The following MAGOHB variants were observed in gnomAD, a reference collection of about 807,000 sequenced individuals.
MAGOHB encodes the protein mago homolog B, exon junction complex subunit.
In MAGOHB, 15 loss-of-function variants were observed where a neutral mutation model predicts 20.9. The observed-to-expected ratio is 0.72, with a 90% CI of 0.48 to 1.11. The LOEUF is 1.11. Among genes scored for constraint, MAGOHB ranks in the 50% least tolerant of loss-of-function variants. The pLI, the probability that MAGOHB is intolerant of heterozygous loss-of-function variation, is 0.00. For missense variants in MAGOHB, 162 were observed against 177.6 expected (o/e 0.91, Z 0.50); for synonymous variants, 50 against 57.9 (o/e 0.86, Z 0.62).
chr12:10,612,236 AT>A, intron 1 of MAGOHB, among the ~76,000 whole-genome samples: 1 of 149,178 alleles, frequency 6.7e-6, no homozygotes, highest in Non-Finnish European at 1.5e-5. Flanking sequence ...ATAACATAAC[AT>A]AACATAACAT....
downstream of MAGOHB, among the ~76,000 whole-genome samples, chr12:10,600,078 A>G (rs1277554592): frequency 6.6e-6 from 1 of 152,020 alleles, no homozygotes; most frequent in Non-Finnish European, 1.5e-5. Flanking sequence ...CTATCTGTTT[A>G]TTTCAAGTAA....
intron 1 of MAGOHB, 39 bp downstream of exon 1, chr12:10,613,400 C>A: frequency 6.3e-7 from 1 of 1,581,488 alleles, no homozygotes. Flanking sequence ...CGGTCTCGCT[C>A]CCCTTTCCCA....
At position 10,609,819 on chromosome 12, in the gene MAGOHB, C is replaced by G; in HGVS notation, c.264+12G>C. 1 of 1,521,124 alleles carries G rather than the reference C, an allele frequency of 6.6e-7. No individual in the cohort carries two copies. The highest frequency in any genetic ancestry group is 9.1e-7 in the Non-Finnish European group (1 of 1,098,100). 94.2% of individuals were successfully genotyped at this position (1,521,124 alleles called of 1,614,324 possible). On this transcript the variant is annotated intron_variant, in intron 3 of 4. Coordinates refer to ENST00000320756, the MANE Select transcript of MAGOHB (RefSeq NM_018048.5). ...TAATATTTATACACTTAAAGAATCA[C>G]TAAATACAAACCTGTCGGCCAACCC...
rs1187192853 is a variant in MAGOHB at position 10,610,575 on chromosome 12, T to C, written c.153+47A>G. 100 of 1,204,820 alleles carry C rather than the reference T, an allele frequency of 8.3e-5. 2 individuals are homozygous for C. Among genetic ancestry groups the C allele is most frequent in the Middle Eastern group, 2.9e-4 (1 of 3,504 alleles). 74.6% of individuals were successfully genotyped at this position (1,204,820 alleles called of 1,614,324 possible). ...ACAGACTTGAAGAAAATGGGCTAAATGCAAAAAAAAAAAAAAAAAAAAAAA... is the reference window on the plus strand; with the variant it reads ...ACAGACTTGAAGAAAATGGGCTAAACGCAAAAAAAAAAAAAAAAAAAAAAA... On this transcript the variant is annotated intron_variant, in intron 2 of 4. Transcript: ENST00000320756.
intron 1 of MAGOHB, among the ~76,000 whole-genome samples, chr12:10,611,976 T>C (rs1865751822): frequency 6.6e-6 from 1 of 151,998 alleles, no homozygotes; most frequent in Non-Finnish European, 1.5e-5. Context: ...AAAATAATAC[T>C]ACATAAAGAA....
At chr12:10,603,906 T>C (rs1865580523), downstream of MAGOHB, among the ~76,000 whole-genome samples, 1 of 152,242 alleles carries the variant, frequency 6.6e-6, no homozygotes, top group Non-Finnish European at 1.5e-5. Flanking sequence ...GGTTCACACA[T>C]TTCAAATCAA....
At chr12:10,603,231 A>G (rs1020733332), downstream of MAGOHB, among the ~76,000 whole-genome samples, 10 of 150,376 alleles carry the variant, frequency 6.7e-5, no homozygotes, top group Non-Finnish European at 8.9e-5. Context: ...GGGAAATGGC[A>G]TGAACCCCGG....
Position 10,605,787 on chromosome 12 carries a change from T to TAA in MAGOHB, c.*486_*487dup, listed in dbSNP as rs34751290. On this transcript the variant is annotated 3_prime_UTR_variant, in exon 5 of 5. Coordinates refer to ENST00000320756, the MANE Select transcript of MAGOHB (RefSeq NM_018048.5). ...ATCCCTGAGGGGTTTGTCATAACTG[T>TAA]AAAAAAAAACTAGACCTTGTATAAG... 315 of 150,948 alleles carry TAA rather than the reference T, an allele frequency of 2.1e-3. 1 individual carries two copies. The highest frequency in any genetic ancestry group is 6.6e-3 in the African/African-American group (273 of 41,144). 9.4% of individuals were successfully genotyped at this position (150,948 alleles called of 1,614,324 possible). A position where few individuals can be genotyped will look rare whatever the true frequency, so the allele number is the denominator to read the frequency against.
intron 4 of MAGOHB, among the ~76,000 whole-genome samples, chr12:10,606,832 G>C (rs1865638274): frequency 6.6e-6 from 1 of 151,058 alleles, no homozygotes; most frequent in Non-Finnish European, 1.5e-5. Context: ...TTAGACACTG[G>C]GGTTAATTTC....
chr12:10,612,690 A>G (rs1865769223), intron 1 of MAGOHB: 3 of 1,155,848 alleles, frequency 2.6e-6, no homozygotes, highest in Non-Finnish European at 3.3e-6. Flanking sequence ...GCATTCAAAA[A>G]AACCCAAAAA....
downstream of MAGOHB, among the ~76,000 whole-genome samples, chr12:10,601,501 A>G (rs934492055): frequency 1.3e-5 from 2 of 152,180 alleles, no homozygotes; most frequent in African/African-American, 4.8e-5. Flanking sequence ...CTGGCTTGAA[A>G]TGCTAGCCCC....
At chr12:10,602,560 A>T (rs1865563288), downstream of MAGOHB, among the ~76,000 whole-genome samples, 2 of 152,214 alleles carry the variant, frequency 1.3e-5, no homozygotes, top group South Asian at 4.1e-4. Context: ...GAAGTATTAA[A>T]CTTTATCACA....
chr12:10,607,077 T>C (rs2120510718), intron 4 of MAGOHB, among the ~76,000 whole-genome samples: 1 of 152,284 alleles, frequency 6.6e-6, no homozygotes, highest in East Asian at 1.9e-4. Context: ...AAAAGAAATT[T>C]GATAGTTTAA....
intron 3 of MAGOHB, chr12:10,609,416 A>G (rs980826412): frequency 2.3e-6 from 1 of 439,706 alleles, no homozygotes; most frequent in South Asian, 1.6e-5. Flanking sequence ...TGCAATCATC[A>G]GTTTTAACAA....
downstream of MAGOHB, among the ~76,000 whole-genome samples, chr12:10,601,325 T>C (rs1296641931): frequency 1.3e-5 from 2 of 152,172 alleles, no homozygotes; most frequent in East Asian, 1.9e-4. Flanking sequence ...GAAACTAAAG[T>C]GAAGAAGTTC....
intron 3 of MAGOHB, chr12:10,609,109 T>C (rs1349159474): frequency 1.8e-5 from 3 of 166,344 alleles, no homozygotes; most frequent in African/African-American, 4.8e-5. Flanking sequence ...TTTGCTTTTC[T>C]AAATAATGCT....
chr12:10,611,267 G>C (rs1339426273), intron 1 of MAGOHB, among the ~76,000 whole-genome samples: 1 of 152,134 alleles, frequency 6.6e-6, no homozygotes, highest in Non-Finnish European at 1.5e-5. Flanking sequence ...TTAGAATTAT[G>C]ACTAGGAAGC....
intron 4 of MAGOHB, among the ~76,000 whole-genome samples, chr12:10,607,139 T>C (rs1865643620): frequency 6.6e-6 from 1 of 152,234 alleles, no homozygotes. Flanking sequence ...ATAGTTATCA[T>C]GCATTCATTC....
chr12:10,613,368 C>T, intron 1 of MAGOHB, 71 bp downstream of exon 1: 2 of 1,355,404 alleles, frequency 1.5e-6, no homozygotes, highest in Admixed American at 3.4e-5. Context: ...GCCGCCTGTA[C>T]CCTCCACACC....
Sources: allele counts gnomAD v4.1 joint callset (sites outside exome capture counted in the v4.1 genomes callset), GRCh38; gene constraint gnomAD v4.1.1; transcripts MANE v1.5; gene names NCBI Gene and HGNC (gene_info 2026-07-23, HGNC 2026-07-21).